The following CNTNAP5 variants were observed in gnomAD, a reference collection of about 807,000 sequenced individuals.
CNTNAP5 encodes contactin-associated protein-like 5.
In CNTNAP5, 72 loss-of-function variants were observed where a neutral mutation model predicts 150.2. That is an observed-to-expected ratio of 0.48 (90% CI 0.40 to 0.58). The LOEUF (loss-of-function observed/expected upper bound fraction) is 0.58. CNTNAP5 is among the 20% of genes least tolerant of loss of function. The probability of loss-of-function intolerance (pLI) is 0.00; values close to 1 mark genes in which losing one functional copy is unlikely to be tolerated. For synonymous variants in CNTNAP5, 672 were observed against 619.8 expected (o/e 1.08, Z -1.25); for missense variants, 1,636 against 1,626.2 (o/e 1.01, Z -0.10).
intron 13 of CNTNAP5, among the ~76,000 whole-genome samples, chr2:124,683,727 A>T (rs1679122207): frequency 6.6e-6 from 1 of 152,162 alleles, no homozygotes; most frequent in Non-Finnish European, 1.5e-5. Flanking sequence ...GTTAACTTTT[A>T]TCTCTCACTG....
intron 19 of CNTNAP5, among the ~76,000 whole-genome samples, chr2:124,852,673 A>T (rs920779465): frequency 1.3e-5 from 2 of 152,012 alleles, no homozygotes; most frequent in African/African-American, 4.8e-5. Context: ...TGGGAGAATG[A>T]GGAGGTGAGG....
intron 13 of CNTNAP5, among the ~76,000 whole-genome samples, chr2:124,746,599 T>C (rs564939911): frequency 6.6e-6 from 1 of 152,290 alleles, no homozygotes; most frequent in South Asian, 2.1e-4. Flanking sequence ...ACTATTATCC[T>C]GAGAGAAATC....
intron 12 of CNTNAP5, among the ~76,000 whole-genome samples, chr2:124,644,751 A>G (rs1037494350): frequency 2.3e-4 from 35 of 152,212 alleles, no homozygotes; most frequent in African/African-American, 8.4e-4. Context: ...GCTGTCTCCC[A>G]GGAGAACAGT....
At chr2:124,124,672 G>A (rs951562504) in intron 1 of CNTNAP5, among the ~76,000 whole-genome samples, 2 of 152,114 alleles carry the variant, frequency 1.3e-5, no homozygotes, top group East Asian at 3.9e-4. Flanking sequence ...AGAAAGGTCG[G>A]GTTACCCACA....
At chr2:124,086,935 T>G (rs1481519545) in intron 1 of CNTNAP5, among the ~76,000 whole-genome samples, 1 of 151,864 alleles carries the variant, frequency 6.6e-6, no homozygotes, top group Non-Finnish European at 1.5e-5. Context: ...AATTCCATTT[T>G]GCTTTATTCA....
chr2:124,885,270 G>A (rs1006818197), intron 21 of CNTNAP5, among the ~76,000 whole-genome samples: 1 of 151,898 alleles, frequency 6.6e-6, no homozygotes, highest in Non-Finnish European at 1.5e-5. Context: ...AGATTATCTA[G>A]GATAATTTCC....
chr2:124,112,435 C>T (rs10496623), intron 1 of CNTNAP5, among the ~76,000 whole-genome samples: 13,564 of 152,190 alleles, frequency 0.089, 746 homozygotes, highest in East Asian at 0.31. Flanking sequence ...TTGTCACACT[C>T]CTCTTAGATA....
At chr2:124,132,732 C>T (rs889364208) in intron 1 of CNTNAP5, among the ~76,000 whole-genome samples, 3 of 152,154 alleles carry the variant, frequency 2.0e-5, no homozygotes, top group Non-Finnish European at 2.9e-5. Flanking sequence ...TCAATTTTCT[C>T]ACCTGCCAAT....
At chr2:124,318,527 C>T (rs1052651507) in intron 3 of CNTNAP5, among the ~76,000 whole-genome samples, 34 of 152,122 alleles carry the variant, frequency 2.2e-4, no homozygotes, top group African/African-American at 8.0e-4. Flanking sequence ...CAGGCTTTAT[C>T]ATTTTTAAGG....
At chr2:124,317,671 T>C (rs141393872) in intron 3 of CNTNAP5, among the ~76,000 whole-genome samples, 2 of 152,332 alleles carry the variant, frequency 1.3e-5, no homozygotes, top group African/African-American at 4.8e-5. Context: ...AAGTTACTAA[T>C]AGGCAATTAT....
chr2:124,309,994 G>A (rs1292364790), intron 3 of CNTNAP5, among the ~76,000 whole-genome samples: 2 of 152,016 alleles, frequency 1.3e-5, no homozygotes, highest in Non-Finnish European at 2.9e-5. Flanking sequence ...ATGGAAGGTG[G>A]CTAGCTTACA....
Position 124,625,430 on chromosome 2 carries a change from A to G in CNTNAP5, c.1876+15510A>G, listed in dbSNP as rs536796375. Among the ~76,000 whole-genome samples, 6 of 152,340 alleles carry G rather than the reference A, an allele frequency of 3.9e-5. No individual in the cohort carries two copies. In the East Asian group the frequency reaches 9.6e-4, roughly 24 times the overall value. ...AATGTTTATTCAGTAGGTATAGCAT[A>G]GTATACTTACTACAGTATACATAGT... is the stretch of plus-strand genomic sequence containing the variant. On this transcript the variant is annotated intron_variant, in intron 12 of 23. Transcript: ENST00000682447.
chr2:124,468,879 G>A (rs545550203), intron 6 of CNTNAP5, among the ~76,000 whole-genome samples: 8 of 152,272 alleles, frequency 5.3e-5, no homozygotes, highest in African/African-American at 9.6e-5. Context: ...GCCTTTCTGC[G>A]TTGCCTCTTC....
chr2:124,746,321 C>A (rs986597573), intron 13 of CNTNAP5, among the ~76,000 whole-genome samples: 1 of 151,982 alleles, frequency 6.6e-6, no homozygotes, highest in Admixed American at 6.6e-5. Context: ...ATAAAAAATC[C>A]AACAGATTTC....
At chr2:124,871,528 G>C (rs1677748171) in intron 21 of CNTNAP5, among the ~76,000 whole-genome samples, 3 of 151,968 alleles carry the variant, frequency 2.0e-5, no homozygotes, top group African/African-American at 7.2e-5. Flanking sequence ...GGTTTACACT[G>C]TGGATATCAG....
intron 16 of CNTNAP5, among the ~76,000 whole-genome samples, chr2:124,770,401 A>T (rs757710043): frequency 3.0e-4 from 46 of 152,166 alleles, no homozygotes; most frequent in Admixed American, 9.8e-4. Flanking sequence ...ACAGCCAGCG[A>T]AACAGCAAGC....
At chr2:124,125,515 GT>G (rs1189866831) in intron 1 of CNTNAP5, among the ~76,000 whole-genome samples, 53 of 152,102 alleles carry the variant, frequency 3.5e-4, no homozygotes, top group Non-Finnish European at 7.4e-5. Context: ...GAGACAGAAA[GT>G]TAACAAGGCT....
intron 3 of CNTNAP5, among the ~76,000 whole-genome samples, chr2:124,349,980 G>A (rs1388618279): frequency 7.0e-6 from 1 of 143,272 alleles, no homozygotes; most frequent in Non-Finnish European, 1.5e-5. Flanking sequence ...TGCCTCCTGG[G>A]TTCAAGCGAT....
At chr2:124,629,688 A>G (rs1260260622) in intron 12 of CNTNAP5, among the ~76,000 whole-genome samples, 2 of 152,026 alleles carry the variant, frequency 1.3e-5, no homozygotes, top group African/African-American at 4.8e-5. Flanking sequence ...CAGAGCTAGC[A>G]GAAGACAAGG....
Sources: gnomAD v4.1 joint callset for allele counts (sites outside exome capture counted in the v4.1 genomes callset) on GRCh38, gnomAD v4.1.1 for gene constraint, MANE v1.5 for transcripts, NCBI Gene and HGNC (gene_info 2026-07-23, HGNC 2026-07-21) for gene names.